POLR1B: variants seen among roughly 807,000 people sequenced by gnomAD.
POLR1B encodes RNA polymerase I subunit B, also known as DNA-directed RNA polymerase I subunit RPA2.
In POLR1B, 30 loss-of-function variants were observed where a neutral mutation model predicts 105.8. That is an observed-to-expected ratio of 0.28 (90% CI 0.21 to 0.38). POLR1B has a LOEUF of 0.38. Ranked by LOEUF, POLR1B falls within the 10% of genes least tolerant of loss-of-function variation. POLR1B has a pLI of 1.00. For missense variants in POLR1B, 976 were observed against 1,435.8 expected (o/e 0.68, Z 5.17); for synonymous variants, 485 against 505.1 (o/e 0.96, Z 0.53).
At position 112,552,690 on chromosome 2, in the gene POLR1B, T is replaced by C; in HGVS notation, c.1032T>C (p.Tyr344=). 1.2e-6 allele frequency: 2 copies of C among 1,610,722 alleles called. No individual in the cohort carries two copies. The highest frequency in any genetic ancestry group is 1.7e-4 in the Middle Eastern group (1 of 6,056). The part of the protein sequence containing the change: ...IHLKSNTEKF[Y]MLCLMTRKLF... ...TGAAATCCAATACTGAAAAGTTTTATATGCTTTGTCTCATGACGCGAAAGC... is the reference window on the plus strand; with the variant it reads ...TGAAATCCAATACTGAAAAGTTTTACATGCTTTGTCTCATGACGCGAAAGC... Residue 344 remains tyrosine, a synonymous_variant, in exon 7 of 15, where the codon TAT becomes TAC. Transcript: ENST00000263331.
intron 9 of POLR1B, among the ~76,000 whole-genome samples, chr2:112,562,789 G>A (rs1330827302): frequency 2.1e-4 from 31 of 146,810 alleles, no homozygotes; most frequent in African/African-American, 7.1e-4. Flanking sequence ...GCAGTGGCGC[G>A]ATCTCGGCTC....
chr2:112,542,321 C>G, upstream of POLR1B: 1 of 1,531,838 alleles, frequency 6.5e-7, no homozygotes. Context: ...GTTTTTGGTT[C>G]TACGTTGACC....
chr2:112,542,646 A>G lies in POLR1B; in HGVS notation c.152A>G (p.His51Arg), dbSNP rs780071913. The change falls in exon 1 of 15, where the codon CAC (histidine) becomes CGC (arginine). Residue 51 changes from histidine to arginine, a missense_variant. His to Arg is a conservative substitution (Grantham distance 29, BLOSUM62 0). This residue lies in a region of POLR1B where 452 missense variants were observed against 616.5 expected (regional missense o/e 0.73). Transcript: ENST00000263331. ...GTGGAGTCCTTCAACTACGCTGTGC[A>G]CGAGGGTCTCGGCCTCGCGGTGCAG... is the stretch of plus-strand genomic sequence containing the variant. ...AHVESFNYAVHEGLGLAVQAI... is the reference protein window; with the variant it reads ...AHVESFNYAVREGLGLAVQAI... The G allele has an allele frequency of 6.2e-7, 1 of 1,613,858 alleles. No homozygotes were observed.
intron 1 of POLR1B, among the ~76,000 whole-genome samples, chr2:112,543,832 C>A (rs1682892135): frequency 6.6e-6 from 1 of 152,020 alleles, no homozygotes; most frequent in South Asian, 2.1e-4. Flanking sequence ...CACCTGTAAT[C>A]CAGGACTTTG....
At chr2:112,572,299 A>G (rs1419844266) in intron 12 of POLR1B, among the ~76,000 whole-genome samples, 1 of 152,210 alleles carries the variant, frequency 6.6e-6, no homozygotes, top group African/African-American at 2.4e-5. Context: ...GTGTGTTGCA[A>G]ATACACATAA....
intron 1 of POLR1B, among the ~76,000 whole-genome samples, chr2:112,546,186 A>T (rs981886755): frequency 1.2e-4 from 19 of 152,134 alleles, no homozygotes; most frequent in African/African-American, 4.3e-4. Context: ...ACAGAATGGT[A>T]CAAAGAAGTA....
At chr2:112,561,088 G>A (rs1683956080) in intron 9 of POLR1B, among the ~76,000 whole-genome samples, 2 of 151,802 alleles carry the variant, frequency 1.3e-5, no homozygotes, top group African/African-American at 2.4e-5. Flanking sequence ...GAGAGAGAGT[G>A]GCCTGTAAGA....
At chr2:112,558,218 A>G (rs1683774520) in intron 8 of POLR1B, 137 bp downstream of exon 8, 3 of 576,752 alleles carry the variant, frequency 5.2e-6, no homozygotes, top group African/African-American at 1.9e-5. Context: ...TTCGACAACT[A>G]TTGGTCTAAA....
At chr2:112,572,478 T>C in intron 12 of POLR1B, 84 bp from the exon 13 acceptor site, 1 of 965,804 alleles carries the variant, frequency 1.0e-6, no homozygotes, top group Non-Finnish European at 1.5e-6. Context: ...CTGATGGATA[T>C]TTAGTTGTTT....
rs1182186416 is a variant in POLR1B, at chr2:112,578,023, GA to G, written c.*2295del. The stretch of plus-strand genomic sequence containing the variant: ...CTATTCCAGGTTCTGGCTACTGAAT[GA>G]TCCCACAGCTGAGGTCTATTGTCAT... On this transcript the variant is annotated 3_prime_UTR_variant, in exon 15 of 15. Transcript: ENST00000263331. Among the ~76,000 whole-genome samples, 4 of 152,112 alleles carry G rather than the reference GA, an allele frequency of 2.6e-5. No homozygotes were observed. Among genetic ancestry groups the G allele is most frequent in the Non-Finnish European group, 4.4e-5 (3 of 68,026 alleles).
At position 112,578,368 on chromosome 2, in the gene POLR1B, A is replaced by G. The variant is rs1330270515; in HGVS notation, c.*2639A>G. Among the ~76,000 whole-genome samples the G allele has an allele frequency of 1.3e-5, 2 of 152,050 alleles. No homozygotes were observed. The highest frequency in any genetic ancestry group is 2.9e-5 in the Non-Finnish European group (2 of 68,012). On this transcript the variant is annotated 3_prime_UTR_variant, in exon 15 of 15. Transcript: ENST00000263331. ...CATTTCTAACCCCTGGAAACCACTA[A>G]TCTGTTCTTCATAATTTTCTTATTT... is the stretch of plus-strand genomic sequence containing the variant.
chr2:112,547,668 G>A lies in POLR1B; in HGVS notation c.492+101G>A, dbSNP rs764402727. The A allele has an allele frequency of 1.6e-5, 22 of 1,341,136 alleles. No individual in the cohort carries two copies. The Middle Eastern group carries it at 3.1e-3, about 186-fold the overall frequency. 83.1% of individuals were successfully genotyped at this position (1,341,136 alleles called of 1,614,324 possible). ...GTTTTCTTTCTGTGCTCCAATTTCT[G>A]GATAGGTGAAAGAGATATCAGTATC... On this transcript the variant is annotated intron_variant, in intron 3 of 14. Coordinates refer to ENST00000263331, the MANE Select transcript of POLR1B (RefSeq NM_019014.6).
At position 112,574,828 on chromosome 2, in the gene POLR1B, A is replaced by G; in HGVS notation, c.2526-19A>G. On this transcript the variant is annotated intron_variant, in intron 14 of 14. Transcript: ENST00000263331. Reference sequence around the variant, plus strand: ...GTTAAAACAAATAGGTTGACCTTATATGGTTTACTTTTTCCTAGGAGTAAA... The same window carrying G: ...GTTAAAACAAATAGGTTGACCTTATGTGGTTTACTTTTTCCTAGGAGTAAA... 6.3e-7 allele frequency: 1 copy of G among 1,587,264 alleles called. No individual in the cohort carries two copies. The highest frequency in any genetic ancestry group is 1.1e-5 in the South Asian group (1 of 88,422).
Position 112,572,614 on chromosome 2 carries a change from C to A in POLR1B, c.2127C>A (p.Asn709Lys), listed in dbSNP as rs1192607095. 6.2e-7 allele frequency: 1 copy of A among 1,611,554 alleles called. No individual in the cohort carries two copies. Among genetic ancestry groups the A allele is most frequent in the South Asian group, 1.1e-5 (1 of 90,510 alleles). Residue 709 changes from asparagine (N) to lysine (K), a missense_variant, in exon 13 of 15, where the codon AAC (asparagine) becomes AAA (lysine). Asn to Lys is a moderately conservative substitution (Grantham distance 94, BLOSUM62 0). This residue lies in a region of POLR1B where 46 missense variants were observed against 66.8 expected (regional missense o/e 0.69). Transcript: ENST00000263331. Reference sequence around the variant, plus strand: ...TCACTTATCAAGACCGATCGGATAACAAACTGTATCGTCTTCAGACTCCTC... The same window carrying A: ...TCACTTATCAAGACCGATCGGATAAAAAACTGTATCGTCTTCAGACTCCTC... Reference protein sequence around the residue: ...PLLTYQDRSDNKLYRLQTPQS... With the variant: ...PLLTYQDRSDKKLYRLQTPQS...
chr2:112,558,158 CT>C (rs57858974), intron 8 of POLR1B, 77 bp downstream of exon 8: 527,697 of 1,148,550 alleles, frequency 0.46, 125,102 homozygotes, highest in Non-Finnish European at 0.48. Context: ...CCTGAGAGTT[CT>C]TTTTAAAAGC....
chr2:112,548,411 A>G (rs1318217149), intron 3 of POLR1B, among the ~76,000 whole-genome samples: 3 of 152,234 alleles, frequency 2.0e-5, no homozygotes, highest in Non-Finnish European at 4.4e-5. Context: ...AGCACCTACT[A>G]TAATATGCCT....
At position 112,547,453 on chromosome 2, in the gene POLR1B, A is replaced by G. The variant is rs1304618534; in HGVS notation, c.378A>G (p.Ser126=). 4.3e-6 allele frequency: 7 copies of G among 1,614,160 alleles called. No individual in the cohort carries two copies. The highest frequency in any genetic ancestry group is 1.7e-5 in the Admixed American group (1 of 60,020). The stretch of plus-strand genomic sequence containing the variant: ...TCAACTGGGCAGTGAATGGAATCTC[A>G]AAAGGAATCATTAAGCAGTTTCTTG... ...ADINWAVNGI[S]KGIIKQFLGY... The change falls in exon 3 of 15, where the codon TCA becomes TCG. Residue 126 remains serine, a synonymous_variant. Coordinates refer to ENST00000263331, the MANE Select transcript of POLR1B (RefSeq NM_019014.6).
In POLR1B at chr2:112,559,298, G is replaced by A. The variant is rs1217783905; in HGVS notation, c.1336G>A (p.Gly446Ser). Residue 446 changes from glycine to serine, a missense_variant, in exon 9 of 15, where the codon GGC (glycine) becomes AGC (serine). Gly to Ser is a moderately conservative substitution (Grantham distance 56, BLOSUM62 0). Transcript: ENST00000263331. Reference protein sequence around the residue: ...TGNLRSKTGLGLLQDSGLCVV... With the variant: ...TGNLRSKTGLSLLQDSGLCVV... Reference sequence around the variant, plus strand: ...ATGACTTTTGTTTTATTAAGGTCTTGGCCTCCTACAAGATTCTGGACTTTG... The same window carrying A: ...ATGACTTTTGTTTTATTAAGGTCTTAGCCTCCTACAAGATTCTGGACTTTG... 3.7e-6 allele frequency: 6 copies of A among 1,613,672 alleles called. No homozygotes were observed. The highest frequency in any genetic ancestry group is 5.1e-6 in the Non-Finnish European group (6 of 1,179,798).
chr2:112,549,191 TG>T (rs1297543018), intron 3 of POLR1B, 75 bp from the exon 4 acceptor site: 27 of 1,510,578 alleles, frequency 1.8e-5, no homozygotes, highest in Non-Finnish European at 2.4e-5. Context: ...GTACTACCTT[TG>T]GCTAGGAGTG....
Sources: gnomAD v4.1 joint callset for allele counts (sites outside exome capture counted in the v4.1 genomes callset) on GRCh38, gnomAD v4.1.1 for gene constraint, gnomAD v4.1.1 regional missense constraint, MANE v1.5 for transcripts, NCBI Gene and HGNC (gene_info 2026-07-23, HGNC 2026-07-21) for gene names.